The following MAF variants were observed in gnomAD, a reference collection of about 807,000 sequenced individuals.
The protein encoded by MAF is transcription factor Maf.
MAF carries 10 observed loss-of-function variants against 22.0 expected under a neutral mutation model. That is an observed-to-expected ratio of 0.45 (90% confidence interval 0.28 to 0.77). MAF has a LOEUF of 0.77. Ranked by LOEUF, MAF falls within the 30% of genes least tolerant of loss-of-function variation. MAF has a pLI of 0.12. For synonymous variants in MAF, 337 were observed against 255.8 expected (o/e 1.32, Z -3.03); for missense variants, 544 against 548.4 (o/e 0.99, Z 0.08).
chr16:79,240,183 G>T, the MAF span, among the ~76,000 whole-genome samples: 1 of 151,594 alleles, frequency 6.6e-6, no homozygotes, highest in Admixed American at 6.6e-5. Flanking sequence ...AAATTAACTT[G>T]GGGATACTGG....
At chr16:79,529,525 A>C in the MAF span, among the ~76,000 whole-genome samples, 2 of 152,210 alleles carry the variant, frequency 1.3e-5, no homozygotes, top group Admixed American at 6.5e-5. Flanking sequence ...TAATAACAAC[A>C]ACAATGCCAA....
chr16:79,426,164 C>T, the MAF span, among the ~76,000 whole-genome samples: 1 of 151,896 alleles, frequency 6.6e-6, no homozygotes, highest in Non-Finnish European at 1.5e-5. Flanking sequence ...CGAGATCGTG[C>T]CACTGCACTC....
At chr16:79,591,277 G>A (rs1243970580), downstream of MAF, among the ~76,000 whole-genome samples, 2 of 152,168 alleles carry the variant, frequency 1.3e-5, no homozygotes, top group Non-Finnish European at 2.9e-5. Flanking sequence ...GTTGAGGGGT[G>A]AGGGGCAGGT....
the MAF span, among the ~76,000 whole-genome samples, chr16:79,264,238 C>A: frequency 6.6e-6 from 1 of 152,100 alleles, no homozygotes; most frequent in Non-Finnish European, 1.5e-5. Flanking sequence ...AATAGAGAAA[C>A]CTTAGCTTGA....
the MAF span, among the ~76,000 whole-genome samples, chr16:79,462,614 C>T: frequency 6.6e-6 from 1 of 152,208 alleles, no homozygotes; most frequent in Non-Finnish European, 1.5e-5. Flanking sequence ...CATGTGCAAA[C>T]ATACATGTTC....
the MAF span, among the ~76,000 whole-genome samples, chr16:79,548,439 G>GA: frequency 3.3e-5 from 5 of 152,054 alleles, no homozygotes; most frequent in Admixed American, 3.3e-4. Flanking sequence ...ATATAACAAG[G>GA]AAAAAACAGC....
chr16:79,255,101 A>G, the MAF span, among the ~76,000 whole-genome samples: 1 of 152,182 alleles, frequency 6.6e-6, no homozygotes, highest in Non-Finnish European at 1.5e-5. Context: ...CTCTAAACAC[A>G]CCAAGGGCTA....
chr16:79,499,404 C>A, the MAF span, among the ~76,000 whole-genome samples: 1 of 152,172 alleles, frequency 6.6e-6, no homozygotes, highest in Non-Finnish European at 1.5e-5. Flanking sequence ...TAGGGAGAGG[C>A]ACTGCAAAAG....
chr16:79,484,205 C>T, the MAF span, among the ~76,000 whole-genome samples: 1 of 152,208 alleles, frequency 6.6e-6, no homozygotes, highest in Non-Finnish European at 1.5e-5. Flanking sequence ...ACATCAGAAC[C>T]AAGGCAACCG....
chr16:79,243,044 T>C, the MAF span, among the ~76,000 whole-genome samples: 560 of 152,124 alleles, frequency 3.7e-3, 4 homozygotes, highest in African/African-American at 0.013. Context: ...GGGACACATG[T>C]AAAGCAGTAT....
chr16:79,552,863 G>C, the MAF span, among the ~76,000 whole-genome samples: 1 of 152,346 alleles, frequency 6.6e-6, no homozygotes, highest in East Asian at 1.9e-4. Context: ...AGAGACCAGA[G>C]CTATGATTCT....
chr16:79,352,937 T>A, the MAF span, among the ~76,000 whole-genome samples: 1 of 152,196 alleles, frequency 6.6e-6, no homozygotes, highest in African/African-American at 2.4e-5. Flanking sequence ...GCCTGGAACA[T>A]GGAGTATCAA....
At chr16:79,250,733 A>G in the MAF span, among the ~76,000 whole-genome samples, 6 of 152,164 alleles carry the variant, frequency 3.9e-5, no homozygotes, top group African/African-American at 1.4e-4. Context: ...TCCACCAAAT[A>G]ATAAATTCGT....
chr16:79,414,649 G>A, the MAF span, among the ~76,000 whole-genome samples: 1 of 152,234 alleles, frequency 6.6e-6, no homozygotes, highest in African/African-American at 2.4e-5. Context: ...CAAGGAGCTT[G>A]AAAGCTGGAA....
chr16:79,212,100 A>C, the MAF span: 1 of 1,535,966 alleles, frequency 6.5e-7, no homozygotes, highest in Non-Finnish European at 8.7e-7. Flanking sequence ...AAGCACCAGC[A>C]ATTCTCTTTC....
the MAF span, among the ~76,000 whole-genome samples, chr16:79,257,980 A>G: frequency 5.3e-4 from 81 of 152,316 alleles, no homozygotes; most frequent in African/African-American, 1.8e-3. Context: ...AACTAACTCA[A>G]TGAGCACTAG....
chr16:79,292,867 A>G, the MAF span, among the ~76,000 whole-genome samples: 18 of 152,192 alleles, frequency 1.2e-4, no homozygotes, highest in African/African-American at 4.3e-4. Flanking sequence ...AGACACTCCC[A>G]TCAGCACCAT....
At chr16:79,438,590 T>C in the MAF span, among the ~76,000 whole-genome samples, 3 of 152,000 alleles carry the variant, frequency 2.0e-5, no homozygotes, top group Admixed American at 2.0e-4. Context: ...GAGGACAGGA[T>C]TGTTTCCTCC....
At chr16:79,416,900 T>C in the MAF span, among the ~76,000 whole-genome samples, 1 of 152,222 alleles carries the variant, frequency 6.6e-6, no homozygotes, top group Non-Finnish European at 1.5e-5. Context: ...CTTTTGTTTT[T>C]TACTCATGAA....
Sources: gnomAD v4.1 joint callset for allele counts (sites outside exome capture counted in the v4.1 genomes callset) on GRCh38, gnomAD v4.1.1 for gene constraint, MANE v1.5 for transcripts, NCBI Gene and HGNC (gene_info 2026-07-23, HGNC 2026-07-21) for gene names.